SOX5: variants seen among roughly 807,000 people sequenced by gnomAD.
The protein encoded by SOX5 is SRY-box transcription factor 5, also known as transcription factor SOX-5.
Under a neutral mutation model 92.0 loss-of-function variants are expected in SOX5, and 9 were observed. The observed-to-expected ratio is 0.10, with a 90% confidence interval of 0.06 to 0.17. The LOEUF (loss-of-function observed/expected upper bound fraction) is 0.17. SOX5 is among the 10% of genes least tolerant of loss of function. The pLI is 1.00. For missense variants in SOX5, 642 were observed against 944.5 expected, an observed-to-expected ratio of 0.68 and a Z score of 4.20; for synonymous variants, 344 against 336.3, an observed-to-expected ratio of 1.02 and a Z score of -0.25.
chr12:23,536,430 A>G (rs140375306), intron 14 of SOX5, 23 bp downstream of exon 14: 1 of 1,586,162 alleles, frequency 6.3e-7, no homozygotes, highest in East Asian at 2.2e-5. Context: ...GCCCCATGAG[A>G]AAAATGACTA....
At chr12:24,151,152 T>G (rs551219036) in intron 4 of SOX5, among the ~76,000 whole-genome samples, 155 of 152,224 alleles carry the variant, frequency 1.0e-3, no homozygotes, top group Middle Eastern at 3.4e-3. Context: ...AAAGGGTGGT[T>G]CCATGTTTAT....
chr12:23,891,946 T>G (rs1253851854), intron 2 of SOX5, among the ~76,000 whole-genome samples: 1 of 152,140 alleles, frequency 6.6e-6, no homozygotes, highest in Non-Finnish European at 1.5e-5. Flanking sequence ...TCACTATTAA[T>G]TACTGTCCTT....
At chr12:23,863,842 T>A (rs1019412007) in intron 2 of SOX5, among the ~76,000 whole-genome samples, 5 of 128,952 alleles carry the variant, frequency 3.9e-5, no homozygotes, top group Admixed American at 7.7e-5. Flanking sequence ...ACACACACAC[T>A]CTGAAATAAA....
chr12:24,409,308 A>G (rs1048781585), intron 1 of SOX5, among the ~76,000 whole-genome samples: 2 of 152,106 alleles, frequency 1.3e-5, no homozygotes, highest in African/African-American at 4.8e-5. Flanking sequence ...CAGAGAGGGG[A>G]ACAATATACA....
intron 1 of SOX5, among the ~76,000 whole-genome samples, chr12:23,915,679 G>A (rs952934725): frequency 6.6e-6 from 1 of 151,342 alleles, no homozygotes; most frequent in African/African-American, 2.4e-5. Flanking sequence ...TTTGCTACAC[G>A]ACATTTATTT....
At chr12:24,519,166 T>A (rs887820051) in intron 1 of SOX5, among the ~76,000 whole-genome samples, 2 of 152,150 alleles carry the variant, frequency 1.3e-5, no homozygotes, top group African/African-American at 4.8e-5. Flanking sequence ...CTACGTGAAT[T>A]TTTTTCTTTT....
At chr12:24,529,673 T>C (rs560340505) in intron 1 of SOX5, among the ~76,000 whole-genome samples, 5 of 152,306 alleles carry the variant, frequency 3.3e-5, no homozygotes, top group African/African-American at 1.2e-4. Context: ...AAAGCAGACC[T>C]TGTAATTTTT....
In SOX5 at chr12:24,256,291, A is replaced by G. The variant is rs181878901; in HGVS notation, c.-77+20925T>C. On this transcript the variant is annotated intron_variant, in intron 3 of 4. Coordinates refer to the SOX5 transcript ENST00000446891. ...AAGATTGAAGTGTTAGACACCTTTTAGCTCAGCTTTCATTTAATTTATGGC... is the reference window on the plus strand; with the variant it reads ...AAGATTGAAGTGTTAGACACCTTTTGGCTCAGCTTTCATTTAATTTATGGC... 1.8e-3 allele frequency among the ~76,000 whole-genome samples: 276 copies of G among 152,356 alleles called. 3 individuals are homozygous for G. Among genetic ancestry groups the G allele is most frequent in the African/African-American group, 6.0e-3 (249 of 41,596 alleles).
intron 4 of SOX5, among the ~76,000 whole-genome samples, chr12:23,999,188 C>T (rs749159450): frequency 1.7e-5 from 2 of 117,440 alleles, no homozygotes; most frequent in Non-Finnish European, 3.8e-5. Flanking sequence ...ACCATTGCTT[C>T]TCTTAAGTGA....
At chr12:23,896,930 C>T (rs767103277) in intron 1 of SOX5, among the ~76,000 whole-genome samples, 6 of 152,052 alleles carry the variant, frequency 3.9e-5, no homozygotes, top group East Asian at 1.9e-4. Context: ...TTTCTTTGTA[C>T]GTGAGTCTGA....
intron 3 of SOX5, among the ~76,000 whole-genome samples, chr12:23,762,266 G>C (rs745483781): frequency 1.1e-4 from 16 of 152,016 alleles, no homozygotes; most frequent in Non-Finnish European, 2.1e-4. Flanking sequence ...TGGGCACAGT[G>C]GTGGGCCTAT....
intron 11 of SOX5, among the ~76,000 whole-genome samples, chr12:23,554,209 G>C (rs1487529915): frequency 6.6e-6 from 1 of 152,042 alleles, no homozygotes; most frequent in African/African-American, 2.4e-5. Context: ...TATTGTTTTT[G>C]CTTTCTTGGT....
intron 3 of SOX5, chr12:24,227,648 A>G (rs1962373112): frequency 6.6e-6 from 1 of 152,144 alleles, no homozygotes; most frequent in Non-Finnish European, 1.5e-5. Context: ...ATGGCCTCCT[A>G]AGCAGCAAAA....
At position 23,790,763 on chromosome 12, in the gene SOX5, C is replaced by T. The variant is rs191593749; in HGVS notation, c.482-35039G>A. On this transcript the variant is annotated intron_variant, in intron 3 of 14. Coordinates refer to ENST00000451604, the MANE Select transcript of SOX5 (RefSeq NM_006940.6). The stretch of plus-strand genomic sequence containing the variant: ...TCAGTTACAAGCCGGCCTATCCAGA[C>T]TGTACCCTACTAATAAAAGTTAGTG... 9.2e-5 allele frequency among the ~76,000 whole-genome samples: 14 copies of T among 152,238 alleles called. No homozygotes were observed. The East Asian group carries it at 2.5e-3, about 27-fold the overall frequency.
chr12:24,380,756 T>C (rs1423617687), intron 1 of SOX5, among the ~76,000 whole-genome samples: 3 of 152,184 alleles, frequency 2.0e-5, no homozygotes, highest in Admixed American at 1.3e-4. Flanking sequence ...GAGGGCACAA[T>C]GCATAAGTGA....
At chr12:23,719,512 G>A (rs916120192) in intron 6 of SOX5, among the ~76,000 whole-genome samples, 25 of 152,154 alleles carry the variant, frequency 1.6e-4, no homozygotes, top group African/African-American at 5.8e-4. Flanking sequence ...TTGGGAAGCC[G>A]AGGCATGAGG....
At chr12:23,633,980 CAG>C (rs2138508176) in intron 8 of SOX5, among the ~76,000 whole-genome samples, 1 of 151,184 alleles carries the variant, frequency 6.6e-6, no homozygotes, top group African/African-American at 2.4e-5. Context: ...GCAGGAGAGA[CAG>C]AGAGCTGTGG....
chr12:24,539,447 T>C (rs1009640664), intron 1 of SOX5, among the ~76,000 whole-genome samples: 4 of 152,142 alleles, frequency 2.6e-5, no homozygotes, highest in African/African-American at 9.7e-5. Flanking sequence ...TACAAAAGTG[T>C]GTTCCAGAGC....
intron 3 of SOX5, among the ~76,000 whole-genome samples, chr12:23,842,506 G>C (rs949396985): frequency 6.6e-6 from 1 of 152,170 alleles, no homozygotes; most frequent in African/African-American, 2.4e-5. Flanking sequence ...TACGTCAGAA[G>C]CAAGGGATAT....
Sources: allele counts gnomAD v4.1 joint callset (sites outside exome capture counted in the v4.1 genomes callset), GRCh38; gene constraint gnomAD v4.1.1; transcripts MANE v1.5; gene names NCBI Gene and HGNC (gene_info 2026-07-23, HGNC 2026-07-21).